Variants in CNTNAP2 observed in about 807,000 individuals in gnomAD.
CNTNAP2 encodes contactin associated protein 2, also known as contactin-associated protein-like 2.
A neutral mutation model predicts 155.2 loss-of-function variants in CNTNAP2; 98 were observed. That is an observed-to-expected ratio of 0.63 (90% CI 0.54 to 0.75). CNTNAP2 has a LOEUF of 0.75. CNTNAP2 is among the 30% of genes least tolerant of loss of function. The pLI is 0.00. For missense variants in CNTNAP2, 1,727 were observed against 1,688.1 expected (o/e 1.02, Z -0.40); for synonymous variants, 651 against 631.2 (o/e 1.03, Z -0.47).
At chr7:146,486,019 C>G (rs1433935505) in intron 1 of CNTNAP2, among the ~76,000 whole-genome samples, 3 of 136,656 alleles carry the variant, frequency 2.2e-5, no homozygotes, top group Admixed American at 7.7e-5. Context: ...TACAAGGAAA[C>G]CAAAAATGTA....
chr7:147,985,666 C>T (rs369706353), intron 15 of CNTNAP2, among the ~76,000 whole-genome samples: 1 of 152,126 alleles, frequency 6.6e-6, no homozygotes, highest in African/African-American at 2.4e-5. Flanking sequence ...TCTATTTTGG[C>T]TCCCCTAACA....
chr7:147,393,640 A>C (rs1796760622), intron 9 of CNTNAP2, among the ~76,000 whole-genome samples: 2 of 152,150 alleles, frequency 1.3e-5, no homozygotes, highest in South Asian at 4.1e-4. Context: ...CAACTGGTAT[A>C]AACAGATCAT....
At chr7:147,771,343 G>C (rs1563082819) in intron 13 of CNTNAP2, among the ~76,000 whole-genome samples, 1 of 152,162 alleles carries the variant, frequency 6.6e-6, no homozygotes, top group African/African-American at 2.4e-5. Context: ...CTGAAGAACT[G>C]TGCATGAAAA....
At chr7:147,618,708 T>TACACACACACACAC (rs112885206) in intron 12 of CNTNAP2, among the ~76,000 whole-genome samples, 1 of 132,044 alleles carries the variant, frequency 7.6e-6, no homozygotes, top group Admixed American at 9.2e-5. Flanking sequence ...ACAGCTATTA[T>TACACACACACACAC]ACACACACAC....
intron 14 of CNTNAP2, among the ~76,000 whole-genome samples, chr7:147,916,005 A>C (rs1800154330): frequency 6.6e-6 from 1 of 152,156 alleles, no homozygotes; most frequent in African/African-American, 2.4e-5. Flanking sequence ...ACTACTTTTT[A>C]ATATGTGGGT....
At chr7:146,423,288 CTA>C (rs1180865980) in intron 1 of CNTNAP2, among the ~76,000 whole-genome samples, 1 of 152,060 alleles carries the variant, frequency 6.6e-6, no homozygotes. Context: ...GCGATCAATT[CTA>C]TGAGTAGATT....
intron 11 of CNTNAP2, among the ~76,000 whole-genome samples, chr7:147,547,439 C>T (rs1350064411): frequency 6.6e-6 from 1 of 152,094 alleles, no homozygotes; most frequent in Non-Finnish European, 1.5e-5. Context: ...GTATTACATT[C>T]AATCCCCTGG....
intron 3 of CNTNAP2, among the ~76,000 whole-genome samples, chr7:146,896,680 A>G (rs1276687114): frequency 6.6e-6 from 1 of 152,080 alleles, no homozygotes. Flanking sequence ...CACCGACCTA[A>G]TAGAATAGAA....
intron 13 of CNTNAP2, among the ~76,000 whole-genome samples, chr7:147,780,251 C>T (rs1797643445): frequency 6.6e-6 from 1 of 152,150 alleles, no homozygotes; most frequent in South Asian, 2.1e-4. Flanking sequence ...GTCCTCACTG[C>T]TCAGAAATGA....
chr7:146,120,609 G>T (rs1797547689), intron 1 of CNTNAP2, among the ~76,000 whole-genome samples: 1 of 152,090 alleles, frequency 6.6e-6, no homozygotes, highest in African/African-American at 2.4e-5. Context: ...GCCCCATAAT[G>T]ACATTTCAGT....
chr7:148,262,815 C>T (rs148233528), intron 20 of CNTNAP2, among the ~76,000 whole-genome samples: 195 of 152,294 alleles, frequency 1.3e-3, no homozygotes, highest in African/African-American at 4.3e-3. Context: ...CATATTCAGA[C>T]AAAATTGCAG....
chr7:147,792,654 C>T (rs962136519), intron 13 of CNTNAP2, among the ~76,000 whole-genome samples: 1 of 152,152 alleles, frequency 6.6e-6, no homozygotes, highest in Non-Finnish European at 1.5e-5. Flanking sequence ...AATAATGCTT[C>T]TATGACCATT....
At chr7:146,342,409 A>C (rs865855848) in intron 1 of CNTNAP2, among the ~76,000 whole-genome samples, 4 of 152,194 alleles carry the variant, frequency 2.6e-5, no homozygotes, top group African/African-American at 9.6e-5. Context: ...AACCCAAGGG[A>C]TGACACTGTG....
At chr7:147,655,022 G>T (rs929906643) in intron 13 of CNTNAP2, among the ~76,000 whole-genome samples, 5 of 151,388 alleles carry the variant, frequency 3.3e-5, no homozygotes, top group Non-Finnish European at 5.9e-5. Flanking sequence ...TCACCATGTT[G>T]GCCAGGCTGA....
intron 1 of CNTNAP2, among the ~76,000 whole-genome samples, chr7:146,318,399 T>C (rs968460124): frequency 6.6e-6 from 1 of 152,158 alleles, no homozygotes; most frequent in African/African-American, 2.4e-5. Context: ...CCATGTTACT[T>C]CATTGTCAAT....
intron 2 of CNTNAP2, among the ~76,000 whole-genome samples, chr7:146,824,888 A>C (rs1397172714): frequency 6.8e-6 from 1 of 147,272 alleles, no homozygotes; most frequent in Non-Finnish European, 1.5e-5. Context: ...TTTGATTTTC[A>C]ATTATTTTCT....
In CNTNAP2 at chr7:146,887,289, C is replaced by A. The variant is rs372108434; in HGVS notation, c.402+47385C>A. On this transcript the variant is annotated intron_variant, in intron 3 of 23. Coordinates refer to ENST00000361727, the MANE Select transcript of CNTNAP2 (RefSeq NM_014141.6). ...TCAGCCTCCCGAGTAGCTGGGATTACGGGCGCCCACCACCACACCCAACTG... is the reference window on the plus strand; with the variant it reads ...TCAGCCTCCCGAGTAGCTGGGATTAAGGGCGCCCACCACCACACCCAACTG... 7.2e-5 allele frequency among the ~76,000 whole-genome samples: 11 copies of A among 151,984 alleles called. No homozygotes were observed. In the East Asian group the frequency reaches 1.2e-3, roughly 16 times the overall value.
intron 8 of CNTNAP2, among the ~76,000 whole-genome samples, chr7:147,156,501 G>A (rs1801929025): frequency 6.6e-6 from 1 of 152,112 alleles, no homozygotes; most frequent in Admixed American, 6.5e-5. Context: ...CTTCTCTTAG[G>A]AATTCTCACC....
chr7:147,306,777 G>A (rs987345027), intron 9 of CNTNAP2, among the ~76,000 whole-genome samples: 4 of 152,042 alleles, frequency 2.6e-5, no homozygotes, highest in South Asian at 2.1e-4. Context: ...TGGTTGACCC[G>A]AAAAATTTTC....
Sources: allele counts gnomAD v4.1 joint callset (sites outside exome capture counted in the v4.1 genomes callset), GRCh38; gene constraint gnomAD v4.1.1; transcripts MANE v1.5; gene names NCBI Gene and HGNC (gene_info 2026-07-23, HGNC 2026-07-21).